DNAH17: variants seen among roughly 807,000 people sequenced by gnomAD.
The protein encoded by DNAH17 is dynein axonemal heavy chain 17.
DNAH17 carries 376 observed loss-of-function variants against 485.6 expected under a neutral mutation model. That is an observed-to-expected ratio of 0.77 (90% CI 0.71 to 0.84). The LOEUF is 0.84. Among genes scored for constraint, DNAH17 ranks in the 40% least tolerant of loss-of-function variants. The pLI, the probability that DNAH17 is intolerant of heterozygous loss-of-function variation, is 0.00. For missense variants in DNAH17, 6,370 were observed against 5,839.3 expected, an observed-to-expected ratio of 1.09 and a Z score of -2.96; for synonymous variants, 3,031 against 2,405.9, an observed-to-expected ratio of 1.26 and a Z score of -7.60.
At chr17:78,449,377 C>T (rs2087448123) in intron 69 of DNAH17, 37 bp downstream of exon 69, 1 of 1,522,696 alleles carries the variant, frequency 6.6e-7, no homozygotes. Flanking sequence ...ACCGCTGGTC[C>T]ACGGACCACA....
rs1021787408 is a variant in DNAH17, at chr17:78,490,935, C to T, written c.6670-88G>A. ...GGGGTGGGGGTTACTCGGAGCAAAC[C>T]TCCGAGCAAGGAGGAGGGGCCCAGG... On this transcript the variant is annotated intron_variant, in intron 43 of 80. Transcript: ENST00000389840. The T allele has an allele frequency of 5.5e-6, 8 of 1,441,556 alleles. 1 individual carries two copies. The South Asian group carries it at 9.8e-5, about 18-fold the overall frequency. 89.3% of individuals were successfully genotyped at this position (1,441,556 alleles called of 1,614,324 possible). A position where few individuals can be genotyped will look rare whatever the true frequency, so the allele number is the denominator to read the frequency against.
chr17:78,502,747 C>T (rs2090343890), intron 32 of DNAH17, 49 bp from the exon 33 acceptor site: 2 of 1,598,602 alleles, frequency 1.3e-6, no homozygotes. Context: ...ATCGCTGGCG[C>T]CTGCTAACGC....
intron 19 of DNAH17, among the ~76,000 whole-genome samples, chr17:78,533,496 G>A (rs149574842): frequency 1.6e-4 from 25 of 152,266 alleles, no homozygotes; most frequent in African/African-American, 5.3e-4. Context: ...GTCTACTGTC[G>A]GTGGCTAGAG....
intron 51 of DNAH17, among the ~76,000 whole-genome samples, chr17:78,478,376 GCCA>G (rs1322344112): frequency 7.5e-6 from 1 of 134,126 alleles, no homozygotes; most frequent in East Asian, 2.4e-4. Flanking sequence ...CACCATCACT[GCCA>G]CCACTATTAT....
rs533561811 is a variant in DNAH17 at position 78,476,657 on chromosome 17, C to T, written c.8069G>A (p.Arg2690Gln). The change falls in exon 52 of 81, where the codon CGA (arginine) becomes CAA (glutamine). Residue 2690 changes from arginine (R) to glutamine (Q), a missense_variant. By Grantham distance (43) the Arg-to-Gln change is conservative. Coordinates refer to ENST00000389840, the MANE Select transcript of DNAH17 (RefSeq NM_173628.4). ...GTCAACCATTTTGTCACCATACACT[C>T]GTTCAGTCTCATGTAGCCAAAGGCG... ...LVRLWLHETERVYGDKMVDEK... is the reference protein window; with the variant it reads ...LVRLWLHETEQVYGDKMVDEK... 2.5e-6 allele frequency: 4 copies of T among 1,612,796 alleles called. No individual in the cohort carries two copies. Among genetic ancestry groups the T allele is most frequent in the African/African-American group, 2.7e-5 (2 of 74,988 alleles).
At chr17:78,459,686 C>G (rs2087997327) in intron 60 of DNAH17, 98 bp downstream of exon 60, 4 of 1,360,636 alleles carry the variant, frequency 2.9e-6, no homozygotes, top group Admixed American at 1.9e-5. Context: ...GAGCCACAGG[C>G]CCCAAGAGCC....
intron 54 of DNAH17, among the ~76,000 whole-genome samples, chr17:78,469,387 C>T (rs542426527): frequency 1.3e-5 from 2 of 152,184 alleles, no homozygotes; most frequent in African/African-American, 2.4e-5. Flanking sequence ...GTGATCCACC[C>T]GCCTCGGCCT....
intron 2 of DNAH17, among the ~76,000 whole-genome samples, chr17:78,574,023 C>G (rs527711097): frequency 6.6e-6 from 1 of 152,292 alleles, no homozygotes; most frequent in South Asian, 2.1e-4. Flanking sequence ...AAGTCAAAGT[C>G]TCAAAATTGG....
At chr17:78,565,984 CA>C (rs1190468630) in intron 11 of DNAH17, among the ~76,000 whole-genome samples, 1 of 151,756 alleles carries the variant, frequency 6.6e-6, no homozygotes, top group East Asian at 1.9e-4. Flanking sequence ...CAAAACAAAA[CA>C]AAAAACAAAC....
intron 16 of DNAH17, among the ~76,000 whole-genome samples, chr17:78,548,977 C>T (rs1380727474): frequency 6.6e-6 from 1 of 152,186 alleles, no homozygotes; most frequent in Non-Finnish European, 1.5e-5. Flanking sequence ...TCAGAATGGA[C>T]GTGATGAGGA....
Position 78,486,274 on chromosome 17 carries a change from A to G in DNAH17, c.7051T>C (p.Phe2351Leu), listed in dbSNP as rs1189564700. 1 of 1,605,290 alleles carries G rather than the reference A, an allele frequency of 6.2e-7. No homozygotes were observed. Among genetic ancestry groups the G allele is most frequent in the South Asian group, 1.1e-5 (1 of 90,606 alleles). Reference sequence around the variant, plus strand: ...AAGGCCCAGAAGCAGGTGAACACGAAGTACAGCTCGTACAGCTCCCTGGGG... The same window carrying G: ...AAGGCCCAGAAGCAGGTGAACACGAGGTACAGCTCGTACAGCTCCCTGGGG... ...DSPRELYELY[F>L]VFTCFWAFGG... Residue 2351 changes from phenylalanine to leucine, a missense_variant, in exon 45 of 81, where the codon TTC becomes CTC. Phe to Leu is a conservative substitution (Grantham distance 22). Transcript: ENST00000389840.
chr17:78,490,898 C>T lies in DNAH17; in HGVS notation c.6670-51G>A, dbSNP rs2089822991. 2.0e-6 allele frequency: 3 copies of T among 1,523,816 alleles called. No homozygotes were observed. The South Asian group carries it at 3.8e-5, about 19-fold the overall frequency. 94.4% of individuals were successfully genotyped at this position (1,523,816 alleles called of 1,614,324 possible). A position where few individuals can be genotyped will look rare whatever the true frequency, so the allele number is the denominator to read the frequency against. On this transcript the variant is annotated intron_variant, in intron 43 of 80. Transcript: ENST00000389840. ...GGTCCTAAGGCGACACCTGCCATCC[C>T]AATGGTGTTCTGGGGTGGGGGTTAC...
At chr17:78,576,241 G>A (rs763834207) in intron 1 of DNAH17, among the ~76,000 whole-genome samples, 16 of 152,166 alleles carry the variant, frequency 1.1e-4, no homozygotes, top group Non-Finnish European at 1.0e-4. Context: ...GTAATACCAC[G>A]GAACAGGTTT....
At chr17:78,432,213 A>AAATAAATAAATAAATAAATAAAATT (rs1568042512) in intron 75 of DNAH17, among the ~76,000 whole-genome samples, 11 of 151,674 alleles carry the variant, frequency 7.3e-5, no homozygotes, top group African/African-American at 1.9e-4. Flanking sequence ...TAAAATAAAT[A>AAATAAATAAATAAATAAATAAAATT]AAAATTAAAA....
At chr17:78,499,907 G>A (rs1400868710) in intron 36 of DNAH17, 2 of 166,594 alleles carry the variant, frequency 1.2e-5, no homozygotes, top group African/African-American at 2.4e-5. Flanking sequence ...AGGCTCTAAT[G>A]ACTGATGGGA....
rs61743408 is a variant in DNAH17, at chr17:78,539,850, G to C, written c.2563C>G (p.Leu855Val). The C allele has an allele frequency of 3.2e-3, 5,107 of 1,609,642 alleles. 130 individuals carry two copies. In the African/African-American group the frequency reaches 0.051, roughly 16 times the overall value. ...ACATAATCCTTCCAGGGCAGGCTCA[G>C]TGTGTCTGCCCTGAATAGTTCTGCG... ...ENAELFRADT[L>V]SLPWKDYVIY... The change falls in exon 18 of 81, where the codon CTG becomes GTG. Residue 855 changes from leucine (L) to valine (V), a missense_variant. Coordinates refer to ENST00000389840, the MANE Select transcript of DNAH17 (RefSeq NM_173628.4).
chr17:78,564,943 G>GGAATGTT (rs1479075437), intron 11 of DNAH17, among the ~76,000 whole-genome samples: 1 of 152,018 alleles, frequency 6.6e-6, no homozygotes, highest in African/African-American at 2.4e-5. Context: ...TCTGAGAAAG[G>GGAATGTT]GAATGTTGCC....
intron 25 of DNAH17, among the ~76,000 whole-genome samples, chr17:78,516,033 G>C (rs2090769914): frequency 6.6e-6 from 1 of 152,210 alleles, no homozygotes; most frequent in South Asian, 2.1e-4. Flanking sequence ...AGAGATTGTT[G>C]ACATGGGCAC....
intron 11 of DNAH17, among the ~76,000 whole-genome samples, chr17:78,565,409 A>ATT (rs992326709): frequency 9.2e-5 from 14 of 152,214 alleles, no homozygotes; most frequent in African/African-American, 3.4e-4. Context: ...ATGTATTTGC[A>ATT]TTTTTGCAAG....
Sources: allele counts gnomAD v4.1 joint callset (sites outside exome capture counted in the v4.1 genomes callset), GRCh38; gene constraint gnomAD v4.1.1; transcripts MANE v1.5; gene names NCBI Gene and HGNC (gene_info 2026-07-23, HGNC 2026-07-21).